Variants in CDYL2 observed in about 807,000 individuals in gnomAD.
CDYL2 encodes the protein chromodomain Y-like protein 2.
CDYL2 carries 23 observed loss-of-function variants against 49.4 expected under a neutral mutation model. That is an observed-to-expected ratio of 0.47 (90% CI 0.34 to 0.66). CDYL2 has a LOEUF of 0.66. Among genes scored for constraint, CDYL2 ranks in the 30% least tolerant of loss-of-function variants. The pLI is 0.01. For missense variants in CDYL2, 678 were observed against 656.4 expected (o/e 1.03, Z -0.36); for synonymous variants, 360 against 268.8 (o/e 1.34, Z -3.32).
At chr16:80,709,884 C>G (rs1050002571) in intron 1 of CDYL2, among the ~76,000 whole-genome samples, 3 of 151,886 alleles carry the variant, frequency 2.0e-5, no homozygotes, top group African/African-American at 7.3e-5. Context: ...CCTACTTTTT[C>G]CGTAAGCCCT....
chr16:80,608,396 T>C (rs1263352428), intron 5 of CDYL2, among the ~76,000 whole-genome samples, 161 bp from the exon 6 acceptor site: 1 of 152,174 alleles, frequency 6.6e-6, no homozygotes, highest in Non-Finnish European at 1.5e-5. Context: ...GGGAATTGTA[T>C]GGAAATGTTC....
chr16:80,735,169 C>G (rs559455581), intron 1 of CDYL2: 39 of 152,236 alleles, frequency 2.6e-4, no homozygotes, highest in African/African-American at 8.4e-4. Context: ...AAAGAGATTC[C>G]AATTAGATAA....
intron 2 of CDYL2, among the ~76,000 whole-genome samples, chr16:80,677,015 G>A (rs1186981952): frequency 1.4e-5 from 2 of 142,418 alleles, no homozygotes; most frequent in Non-Finnish European, 3.0e-5. Context: ...CTGTCGCCCA[G>A]GCTGGAGTGC....
At chr16:80,741,141 C>A in intron 1 of CDYL2, among the ~76,000 whole-genome samples, 1 of 148,506 alleles carries the variant, frequency 6.7e-6, no homozygotes, top group South Asian at 2.1e-4. Context: ...CATAAAAAGC[C>A]CAGAAACATA....
intron 1 of CDYL2, among the ~76,000 whole-genome samples, chr16:80,742,621 G>A (rs1469668939): frequency 6.7e-6 from 1 of 150,166 alleles, no homozygotes; most frequent in African/African-American, 2.5e-5. Context: ...AGAATGAATG[G>A]ATGAATGGAT....
At chr16:80,758,037 A>G (rs1389327864) in intron 1 of CDYL2, among the ~76,000 whole-genome samples, 1 of 152,182 alleles carries the variant, frequency 6.6e-6, no homozygotes, top group Non-Finnish European at 1.5e-5. Flanking sequence ...AGGCATTCCA[A>G]TACAGAGGTA....
intron 1 of CDYL2, among the ~76,000 whole-genome samples, chr16:80,733,001 T>C (rs527421707): frequency 3.9e-5 from 6 of 152,298 alleles, no homozygotes; most frequent in Admixed American, 2.6e-4. Context: ...GATAAAGCCA[T>C]TGATCAAAAC....
chr16:80,625,648 C>G (rs1390224176), intron 3 of CDYL2, among the ~76,000 whole-genome samples: 1 of 152,138 alleles, frequency 6.6e-6, no homozygotes, highest in Non-Finnish European at 1.5e-5. Flanking sequence ...CACGCAAGCA[C>G]AGACATATCA....
chr16:80,669,807 G>C (rs139285689), intron 2 of CDYL2, among the ~76,000 whole-genome samples: 82 of 152,326 alleles, frequency 5.4e-4, no homozygotes, highest in African/African-American at 1.9e-3. Flanking sequence ...AATGAGCTGA[G>C]TATTTCTGCA....
intron 1 of CDYL2, among the ~76,000 whole-genome samples, chr16:80,789,178 T>G (rs1368323337): frequency 6.6e-6 from 1 of 152,062 alleles, no homozygotes; most frequent in Non-Finnish European, 1.5e-5. Context: ...TTGCTGGGAA[T>G]GTAAATTAGT....
In CDYL2 at chr16:80,684,764, C is replaced by T; in HGVS notation, c.390G>A (p.Arg130=). ...TCCTGTAAGACACCGTCTTGGTGGC[C>T]CTGTCACCTCCTGAAGAGGGCTTGC... ...YSGKPSSGGD[R]ATKTVSYRTT... is the part of the protein sequence containing the mutation. The change falls in exon 2 of 7, where the codon AGG becomes AGA. Residue 130 remains arginine, a synonymous_variant. Coordinates refer to ENST00000570137, the MANE Select transcript of CDYL2 (RefSeq NM_152342.4). The T allele has an allele frequency of 6.2e-7, 1 of 1,614,200 alleles. No individual in the cohort carries two copies. Among genetic ancestry groups the T allele is most frequent in the South Asian group, 1.1e-5 (1 of 91,078 alleles).
At chr16:80,717,049 G>A (rs372318446) in intron 1 of CDYL2, among the ~76,000 whole-genome samples, 5 of 143,360 alleles carry the variant, frequency 3.5e-5, no homozygotes, top group Non-Finnish European at 7.7e-5. Flanking sequence ...TGCACGGATG[G>A]ATGGATAGAT....
intron 2 of CDYL2, among the ~76,000 whole-genome samples, chr16:80,666,367 T>A (rs1909262697): frequency 6.6e-6 from 1 of 152,160 alleles, no homozygotes; most frequent in Non-Finnish European, 1.5e-5. Flanking sequence ...TCAAGGCAGG[T>A]CATAAATTAC....
At chr16:80,775,488 T>A (rs897216169) in intron 1 of CDYL2, among the ~76,000 whole-genome samples, 18 of 151,654 alleles carry the variant, frequency 1.2e-4, no homozygotes, top group Non-Finnish European at 5.9e-5. Context: ...TTCTAGACAT[T>A]GGTAGAAAAA....
chr16:80,678,855 A>G (rs1362127259), intron 2 of CDYL2, among the ~76,000 whole-genome samples: 385 of 147,332 alleles, frequency 2.6e-3, no homozygotes, highest in Middle Eastern at 7.0e-3. Flanking sequence ...AAGACTTGGA[A>G]CCAGCCCAAA....
intron 1 of CDYL2, among the ~76,000 whole-genome samples, chr16:80,771,270 G>A (rs574860689): frequency 4.1e-4 from 63 of 152,308 alleles, no homozygotes; most frequent in African/African-American, 1.3e-3. Flanking sequence ...AAACAGACAG[G>A]TGTGACAAGA....
At chr16:80,656,536 T>C (rs1167430331) in intron 2 of CDYL2, among the ~76,000 whole-genome samples, 1 of 152,174 alleles carries the variant, frequency 6.6e-6, no homozygotes, top group Non-Finnish European at 1.5e-5. Context: ...ATGCTACATA[T>C]CTGGAAAATA....
intron 1 of CDYL2, among the ~76,000 whole-genome samples, chr16:80,725,421 T>C (rs1012294892): frequency 1.3e-5 from 2 of 152,222 alleles, no homozygotes; most frequent in Non-Finnish European, 2.9e-5. Flanking sequence ...CTTCTACCCC[T>C]AGACTGCAAG....
chr16:80,758,056 A>G (rs538792774), intron 1 of CDYL2, among the ~76,000 whole-genome samples: 26 of 152,312 alleles, frequency 1.7e-4, no homozygotes, highest in Non-Finnish European at 3.5e-4. Context: ...TATGGTATCT[A>G]AGGAAGAATA....
Sources: allele counts gnomAD v4.1 joint callset (sites outside exome capture counted in the v4.1 genomes callset), GRCh38; gene constraint gnomAD v4.1.1; transcripts MANE v1.5; gene names NCBI Gene and HGNC (gene_info 2026-07-23, HGNC 2026-07-21).